The following PTPRD variants were observed in gnomAD, a reference collection of about 807,000 sequenced individuals.
PTPRD encodes the protein protein tyrosine phosphatase receptor type D.
In PTPRD, 34 loss-of-function variants were observed where a neutral mutation model predicts 214.5. That is an observed-to-expected ratio of 0.16 (90% CI 0.12 to 0.21). The LOEUF is 0.21. Ranked by LOEUF, PTPRD falls within the 10% of genes least tolerant of loss-of-function variation. The pLI, the probability that PTPRD is intolerant of heterozygous loss-of-function variation, is 1.00. For synonymous variants in PTPRD, 1,128 were observed against 845.7 expected (o/e 1.33, Z -5.79); for missense variants, 2,545 against 2,398.7 (o/e 1.06, Z -1.27).
intron 24 of PTPRD, 76 bp downstream of exon 24, chr9:8,500,678 A>T (rs2136934280): frequency 6.9e-7 from 1 of 1,444,530 alleles, no homozygotes; most frequent in Non-Finnish European, 9.5e-7. Flanking sequence ...AAAAAAGATT[A>T]CTGTGAGCCT....
At chr9:8,690,437 G>C (rs1235927417) in intron 12 of PTPRD, among the ~76,000 whole-genome samples, 1 of 150,986 alleles carries the variant, frequency 6.6e-6, no homozygotes, top group Non-Finnish European at 1.5e-5. Context: ...TGAGGCAGGA[G>C]AACGGCATGA....
chr9:8,524,799 T>A (rs1401264314), intron 18 of PTPRD, 126 bp downstream of exon 18: 8 of 820,442 alleles, frequency 9.8e-6, no homozygotes, highest in Non-Finnish European at 2.1e-6. Context: ...TACTAACATG[T>A]TTCAGCTACG....
At chr9:10,055,457 A>G (rs1490011416) in intron 3 of PTPRD, among the ~76,000 whole-genome samples, 1 of 152,134 alleles carries the variant, frequency 6.6e-6, no homozygotes, top group East Asian at 1.9e-4. Flanking sequence ...TAAGCTCAGT[A>G]TATAGATAAG....
At chr9:9,484,775 G>A (rs988724834) in intron 8 of PTPRD, among the ~76,000 whole-genome samples, 1 of 152,050 alleles carries the variant, frequency 6.6e-6, no homozygotes, top group Non-Finnish European at 1.5e-5. Context: ...CAAAGTGTCT[G>A]GTTCTGGAGC....
In PTPRD at chr9:10,189,055, C is replaced by T. The variant is rs146710465; in HGVS notation, c.-545+151908G>A. Among the ~76,000 whole-genome samples, 231 of 152,024 alleles carry T rather than the reference C, an allele frequency of 1.5e-3. 2 individuals carry two copies. The highest frequency in any genetic ancestry group is 5.2e-3 in the African/African-American group (217 of 41,472). ...CTGACTGAGAAATAGAAAGTGTCTTCGCCAACTCTCTTACCTGTCCAGGCA... is the reference window on the plus strand; with the variant it reads ...CTGACTGAGAAATAGAAAGTGTCTTTGCCAACTCTCTTACCTGTCCAGGCA... On this transcript the variant is annotated intron_variant, in intron 3 of 45. Transcript: ENST00000381196.
chr9:9,287,802 G>A (rs1949983227), intron 9 of PTPRD, among the ~76,000 whole-genome samples: 2 of 151,884 alleles, frequency 1.3e-5, no homozygotes, highest in Admixed American at 6.6e-5. Context: ...GCTAAAGTAA[G>A]TATGTCATAA....
chr9:9,980,948 G>A (rs939314688), intron 4 of PTPRD, among the ~76,000 whole-genome samples: 1 of 152,020 alleles, frequency 6.6e-6, no homozygotes, highest in African/African-American at 2.4e-5. Flanking sequence ...ACTCTGGTAA[G>A]AATATCCATC....
intron 7 of PTPRD, among the ~76,000 whole-genome samples, chr9:9,610,699 G>A (rs2094467066): frequency 6.6e-6 from 1 of 152,030 alleles, no homozygotes; most frequent in South Asian, 2.1e-4. Context: ...TGGTTAAGCA[G>A]CATTTTAACT....
chr9:9,522,771 T>C (rs1442436714), intron 8 of PTPRD, among the ~76,000 whole-genome samples: 1 of 152,242 alleles, frequency 6.6e-6, no homozygotes, highest in Non-Finnish European at 1.5e-5. Flanking sequence ...TTTTGAATTC[T>C]GAAACTTAAG....
chr9:9,897,587 T>G (rs1261244505), intron 5 of PTPRD, among the ~76,000 whole-genome samples: 2 of 152,096 alleles, frequency 1.3e-5, no homozygotes, highest in African/African-American at 2.4e-5. Flanking sequence ...CCTTGTACTT[T>G]ATTGTAAAAT....
intron 8 of PTPRD, among the ~76,000 whole-genome samples, chr9:9,451,083 G>T (rs1388989209): frequency 1.3e-5 from 2 of 151,212 alleles, no homozygotes; most frequent in African/African-American, 2.4e-5. Context: ...AGCAAAAATT[G>T]TAGAAGTTGT....
At chr9:9,698,000 T>A (rs1025029783) in intron 7 of PTPRD, among the ~76,000 whole-genome samples, 4 of 152,216 alleles carry the variant, frequency 2.6e-5, no homozygotes, top group Non-Finnish European at 5.9e-5. Context: ...GTTTCAATTT[T>A]TAATTATTTC....
At chr9:10,203,219 T>C (rs560879147) in intron 3 of PTPRD, among the ~76,000 whole-genome samples, 52 of 151,340 alleles carry the variant, frequency 3.4e-4, no homozygotes, top group African/African-American at 1.2e-3. Flanking sequence ...GAAGGAAGTA[T>C]TCATGTGTTA....
rs1364618694 is a variant in PTPRD at position 8,894,494 on chromosome 9, CT to C, written c.-104+124202del. ...ATATAAAAACAAAAGTCCATGTATC[CT>C]GATAGGAGTCAGAATGTGGGGGTTG... On this transcript the variant is annotated intron_variant, in intron 11 of 45. Coordinates refer to ENST00000381196, the MANE Select transcript of PTPRD (RefSeq NM_002839.4). Among the ~76,000 whole-genome samples the C allele has an allele frequency of 1.1e-4, 17 of 150,808 alleles. No homozygotes were observed. In the East Asian group the frequency reaches 2.7e-3, roughly 24 times the overall value.
At chr9:9,618,400 A>G (rs973016520) in intron 7 of PTPRD, among the ~76,000 whole-genome samples, 26 of 151,968 alleles carry the variant, frequency 1.7e-4, no homozygotes, top group African/African-American at 4.8e-4. Context: ...AAAAAAAACA[A>G]TAATATAGTG....
At chr9:10,560,765 C>A (rs906698897) in intron 2 of PTPRD, among the ~76,000 whole-genome samples, 1 of 151,998 alleles carries the variant, frequency 6.6e-6, no homozygotes, top group Non-Finnish European at 1.5e-5. Context: ...AAGTATGAAC[C>A]AATTAAAATT....
chr9:8,517,041 C>A (rs141787697), intron 21 of PTPRD, among the ~76,000 whole-genome samples: 53 of 151,974 alleles, frequency 3.5e-4, no homozygotes, highest in Middle Eastern at 3.4e-3. Flanking sequence ...AAGTCCTGAC[C>A]CTCAAGTGAT....
intron 8 of PTPRD, among the ~76,000 whole-genome samples, chr9:9,399,495 T>C (rs1298209702): frequency 2.0e-5 from 3 of 151,826 alleles, no homozygotes; most frequent in Non-Finnish European, 4.4e-5. Flanking sequence ...TCTAGATTAT[T>C]ATTGGACATT....
chr9:9,380,579 T>C lies in PTPRD; in HGVS notation c.-203+16870A>G, dbSNP rs1325240529. On this transcript the variant is annotated intron_variant, in intron 9 of 45. Transcript: ENST00000381196. ...TTAACTTCTATTTTTAAAAAGTTTG[T>C]TCACGTGTGTTTCACAGCTTAGAAT... Among the ~76,000 whole-genome samples the C allele has an allele frequency of 2.6e-5, 4 of 152,164 alleles. No homozygotes were observed. The East Asian group carries it at 7.7e-4, about 29-fold the overall frequency.
Sources: gnomAD v4.1 joint callset for allele counts (sites outside exome capture counted in the v4.1 genomes callset) on GRCh38, gnomAD v4.1.1 for gene constraint, MANE v1.5 for transcripts, NCBI Gene and HGNC (gene_info 2026-07-23, HGNC 2026-07-21) for gene names.